HECW1: variants seen among roughly 807,000 people sequenced by gnomAD.
HECW1 encodes E3 ubiquitin-protein ligase HECW1.
HECW1 carries 61 observed loss-of-function variants against 182.3 expected under a neutral mutation model. That is an observed-to-expected ratio of 0.33 (90% CI 0.27 to 0.41). The LOEUF is 0.41. HECW1 is among the 10% of genes least tolerant of loss of function. The pLI is 1.00. For synonymous variants in HECW1, 859 were observed against 832.6 expected (o/e 1.03, Z -0.55); for missense variants, 1,739 against 2,108.9 (o/e 0.82, Z 3.44).
chr7:43,179,848 T>C lies in HECW1; in HGVS notation c.-31-64027T>C, dbSNP rs116729017. ...TTTTTGAAAACATGATTGAGATTTA[T>C]TTATCACCATGTAAATCGACCCTGA... On this transcript the variant is annotated intron_variant, in intron 2 of 29. Transcript: ENST00000395891. Among the ~76,000 whole-genome samples the C allele has an allele frequency of 2.8e-3, 421 of 152,338 alleles. 2 individuals are homozygous for C. The highest frequency in any genetic ancestry group is 9.4e-3 in the African/African-American group (389 of 41,582).
At chr7:43,157,279 A>G (rs1789987078) in intron 2 of HECW1, among the ~76,000 whole-genome samples, 2 of 152,222 alleles carry the variant, frequency 1.3e-5, no homozygotes, top group South Asian at 4.1e-4. Flanking sequence ...GTTGAAAATG[A>G]ATTCTTTCCA....
rs186023310 is a variant in HECW1, at chr7:43,424,230, G to C, written c.802-13773G>C. ...GCTGGAAGAAAATTACTATGCTCCA[G>C]TGACAAATCTCAAGTCCTGACAGGC... On this transcript the variant is annotated intron_variant, in intron 8 of 29. Coordinates refer to ENST00000395891, the MANE Select transcript of HECW1 (RefSeq NM_015052.5). 1.5e-4 allele frequency among the ~76,000 whole-genome samples: 23 copies of C among 152,282 alleles called. No individual in the cohort carries two copies. In the East Asian group the frequency reaches 3.9e-3, roughly 26 times the overall value.
At chr7:43,281,025 T>C (rs929372419) in intron 3 of HECW1, among the ~76,000 whole-genome samples, 5 of 152,182 alleles carry the variant, frequency 3.3e-5, no homozygotes, top group African/African-American at 9.7e-5. Context: ...ATTTAAGATT[T>C]TTGATGGCTT....
At chr7:43,429,287 T>C (rs969200001) in intron 8 of HECW1, among the ~76,000 whole-genome samples, 1 of 122,480 alleles carries the variant, frequency 8.2e-6, no homozygotes, top group Non-Finnish European at 1.7e-5. Context: ...ATATATTATA[T>C]GCATATATAT....
intron 2 of HECW1, among the ~76,000 whole-genome samples, chr7:43,211,055 A>G (rs1162137035): frequency 2.6e-5 from 4 of 152,178 alleles, no homozygotes; most frequent in Non-Finnish European, 5.9e-5. Context: ...CTCTCAGGCG[A>G]TAGATGATTG....
In HECW1 at chr7:43,407,806, C is replaced by T. The variant is rs1028770571; in HGVS notation, c.801+75C>T. ...GACTGTGAACCAGCCCTCCTCCTTC[C>T]CTCCATTCATGGAGCCCTGGACTCT... On this transcript the variant is annotated intron_variant, in intron 8 of 29. Coordinates refer to ENST00000395891, the MANE Select transcript of HECW1 (RefSeq NM_015052.5). 3.0e-6 allele frequency: 4 copies of T among 1,335,782 alleles called. No individual in the cohort carries two copies. In the South Asian group the frequency reaches 4.0e-5, roughly 14 times the overall value. The allele number at this position is 1,335,782 out of a possible 1,614,324, so 82.7% of individuals were successfully genotyped here. A position where few individuals can be genotyped will look rare whatever the true frequency, so the allele number is the denominator to read the frequency against.
At chr7:43,263,024 T>C (rs999202207) in intron 3 of HECW1, among the ~76,000 whole-genome samples, 5 of 152,232 alleles carry the variant, frequency 3.3e-5, no homozygotes, top group African/African-American at 1.2e-4. Context: ...GATATCAAAA[T>C]GACAAGAGTG....
chr7:43,437,803 A>G (rs992198884), intron 8 of HECW1, among the ~76,000 whole-genome samples, 200 bp from the exon 9 acceptor site: 5 of 152,116 alleles, frequency 3.3e-5, no homozygotes, highest in East Asian at 3.8e-4. Context: ...GAATAAGCCT[A>G]TTTTTAAGCC....
chr7:43,369,415 G>A lies in HECW1; in HGVS notation c.555+8435G>A, dbSNP rs909952769. Among the ~76,000 whole-genome samples the A allele has an allele frequency of 2.0e-5, 3 of 152,060 alleles. No homozygotes were observed. The East Asian group carries it at 5.8e-4, about 29-fold the overall frequency. ...GGAGGTTACGGTGAGCCAAGATCAC[G>A]CCATTGCACTCCAGCCTGGGCTACA... On this transcript the variant is annotated intron_variant, in intron 6 of 29. Transcript: ENST00000395891.
intron 2 of HECW1, among the ~76,000 whole-genome samples, chr7:43,229,504 C>A (rs1242169107): frequency 1.3e-5 from 2 of 151,790 alleles, no homozygotes; most frequent in Non-Finnish European, 2.9e-5. Flanking sequence ...GGGAGGGGAG[C>A]AGAAAAGATA....
chr7:43,171,070 A>G (rs1334675772), intron 2 of HECW1, among the ~76,000 whole-genome samples: 1 of 152,236 alleles, frequency 6.6e-6, no homozygotes, highest in African/African-American at 2.4e-5. Flanking sequence ...ATGGGAGTGC[A>G]CAAGCATGAA....
intron 29 of HECW1, among the ~76,000 whole-genome samples, chr7:43,558,305 G>T (rs2082097014): frequency 6.6e-6 from 1 of 152,200 alleles, no homozygotes; most frequent in African/African-American, 2.4e-5. Context: ...AGGGACCAGG[G>T]ATATCAAAGC....
intron 2 of HECW1, among the ~76,000 whole-genome samples, chr7:43,140,369 C>T (rs932116339): frequency 1.3e-5 from 2 of 152,148 alleles, no homozygotes; most frequent in African/African-American, 4.8e-5. Context: ...AGCGACTGTG[C>T]CCCCTCGTAA....
At chr7:43,448,972 C>T (rs914544001) in intron 11 of HECW1, among the ~76,000 whole-genome samples, 1 of 152,240 alleles carries the variant, frequency 6.6e-6, no homozygotes, top group South Asian at 2.1e-4. Context: ...TCCATTCAGT[C>T]GGCTGAGACA....
intron 3 of HECW1, among the ~76,000 whole-genome samples, chr7:43,301,173 C>T (rs922616913): frequency 1.3e-5 from 2 of 150,788 alleles, no homozygotes; most frequent in African/African-American, 5.0e-5. Context: ...CTTTCACACA[C>T]TTCCAGCTGC....
At chr7:43,297,628 G>A (rs1349122562) in intron 3 of HECW1, among the ~76,000 whole-genome samples, 1 of 152,170 alleles carries the variant, frequency 6.6e-6, no homozygotes, top group Non-Finnish European at 1.5e-5. Context: ...GAAAATTACT[G>A]CCCAGATTTT....
intron 3 of HECW1, among the ~76,000 whole-genome samples, chr7:43,293,219 C>CAAAAAAA (rs34748611): frequency 1.6e-4 from 12 of 76,250 alleles, no homozygotes; most frequent in Admixed American, 5.5e-4. Flanking sequence ...GACTATGTCT[C>CAAAAAAA]AAAAAAAAAA....
At chr7:43,298,833 C>T (rs1421574711) in intron 3 of HECW1, among the ~76,000 whole-genome samples, 1 of 152,192 alleles carries the variant, frequency 6.6e-6, no homozygotes, top group East Asian at 1.9e-4. Context: ...CTGTCTGCCG[C>T]CCCCACATCT....
At chr7:43,314,789 T>C (rs1331575256) in intron 4 of HECW1, among the ~76,000 whole-genome samples, 1 of 152,232 alleles carries the variant, frequency 6.6e-6, no homozygotes, top group Non-Finnish European at 1.5e-5. Flanking sequence ...AAGTCAATAA[T>C]GTGTAAGTCC....
Sources: gnomAD v4.1 joint callset for allele counts (sites outside exome capture counted in the v4.1 genomes callset) on GRCh38, gnomAD v4.1.1 for gene constraint, MANE v1.5 for transcripts, NCBI Gene and HGNC (gene_info 2026-07-23, HGNC 2026-07-21) for gene names.